The following FOCAD variants were observed in gnomAD, a reference collection of about 807,000 sequenced individuals.
FOCAD encodes the protein KIAA1797.
In FOCAD, 198 loss-of-function variants were observed where a neutral mutation model predicts 225.6. The ratio of observed to expected loss-of-function variants is 0.88; its 90% CI spans 0.78 to 0.99. FOCAD has a LOEUF of 0.99. FOCAD is among the 50% of genes least tolerant of loss of function. The pLI, the probability that FOCAD is intolerant of heterozygous loss-of-function variation, is 0.00. For missense variants in FOCAD, 2,713 were observed against 2,123.6 expected (o/e 1.28, Z -5.46); for synonymous variants, 897 against 755.0 (o/e 1.19, Z -3.08).
chr9:20,758,098 C>A lies in FOCAD; in HGVS notation c.401C>A (p.Pro134His), dbSNP rs143814736. 1 of 1,604,506 alleles carries A rather than the reference C, an allele frequency of 6.2e-7. No homozygotes were observed. The highest frequency in any genetic ancestry group is 8.5e-7 in the Non-Finnish European group (1 of 1,176,548). The change falls in exon 6 of 44, where the codon CCT becomes CAT. Residue 134 changes from proline to histidine, a missense_variant. Physicochemically the swap from Pro to His is moderately conservative, Grantham distance 77 (BLOSUM62 -2). Transcript: ENST00000338382. ...CTTTCTGTGTCTTTCAGAAATCATC[C>A]TCATCCTTTGATAACTGTGCTTGAA... ...IQSIYTIRNH[P>H]HPLITVLEHR...
chr9:20,813,815 A>G (rs1823348415), intron 11 of FOCAD, among the ~76,000 whole-genome samples: 1 of 152,184 alleles, frequency 6.6e-6, no homozygotes, highest in Non-Finnish European at 1.5e-5. Flanking sequence ...TCCATTATTT[A>G]AAATAGGATA....
chr9:20,742,552 G>C (rs1827721822), intron 5 of FOCAD, among the ~76,000 whole-genome samples: 1 of 152,196 alleles, frequency 6.6e-6, no homozygotes. Context: ...GAGTGCCAGA[G>C]TCAGAACTGC....
rs776082617 is a variant in FOCAD at position 20,781,606 on chromosome 9, G to T, written c.995-121G>T. 12 of 715,468 alleles carry T rather than the reference G, an allele frequency of 1.7e-5. No homozygotes were observed. The East Asian group carries it at 3.1e-4, about 18-fold the overall frequency. The allele number at this position is 715,468 out of a possible 1,614,324, so 44.3% of individuals were successfully genotyped here. A position where few individuals can be genotyped will look rare whatever the true frequency, so the allele number is the denominator to read the frequency against. On this transcript the variant is annotated intron_variant, in intron 9 of 43. Transcript: ENST00000338382. Reference sequence around the variant, plus strand: ...GGATAAGATTTATCAACCTAGTTATGTGTCTGACCCAGTTATAAAAGGGAA... The same window carrying T: ...GGATAAGATTTATCAACCTAGTTATTTGTCTGACCCAGTTATAAAAGGGAA...
intron 21 of FOCAD, among the ~76,000 whole-genome samples, chr9:20,905,795 C>G (rs753563666): frequency 2.1e-4 from 32 of 151,948 alleles, no homozygotes; most frequent in Non-Finnish European, 3.5e-4. Flanking sequence ...AGGACTCATT[C>G]CTTCAAGGAT....
chr9:20,929,285 T>C (rs1835241253), intron 26 of FOCAD, 73 bp from the exon 27 acceptor site: 1 of 1,157,730 alleles, frequency 8.6e-7, no homozygotes, highest in Admixed American at 1.8e-5. Context: ...TGTGGTTGTA[T>C]AGTGCTTTTA....
At chr9:20,664,202 G>A (rs979191471) in intron 2 of FOCAD, among the ~76,000 whole-genome samples, 12 of 150,518 alleles carry the variant, frequency 8.0e-5, no homozygotes, top group African/African-American at 2.9e-4. Context: ...TATATTTCTA[G>A]ACCCATATAT....
At chr9:20,664,376 A>T (rs1225363692) in intron 2 of FOCAD, among the ~76,000 whole-genome samples, 1 of 151,122 alleles carries the variant, frequency 6.6e-6, no homozygotes, top group Non-Finnish European at 1.5e-5. Flanking sequence ...TACTGATTCT[A>T]TTTAATGGTT....
intron 4 of FOCAD, among the ~76,000 whole-genome samples, chr9:20,720,962 A>G (rs1239665815): frequency 1.3e-5 from 2 of 152,170 alleles, no homozygotes; most frequent in East Asian, 3.8e-4. Flanking sequence ...TTATTTCTCA[A>G]ATATTTTGTG....
chr9:20,705,920 T>G (rs1333494538), intron 1 of FOCAD, among the ~76,000 whole-genome samples: 1 of 144,126 alleles, frequency 6.9e-6, no homozygotes, highest in Non-Finnish European at 1.5e-5. Context: ...TTATTCAGTT[T>G]TAAGTTTTTT....
At chr9:20,894,711 C>T (rs1831922782) in intron 21 of FOCAD, among the ~76,000 whole-genome samples, 1 of 151,892 alleles carries the variant, frequency 6.6e-6, no homozygotes, top group Non-Finnish European at 1.5e-5. Flanking sequence ...AGACTTTTTT[C>T]GTATATTTTG....
intron 1 of FOCAD, among the ~76,000 whole-genome samples, chr9:20,712,730 CTT>C (rs71334550): frequency 1.1e-4 from 10 of 93,336 alleles, no homozygotes; most frequent in Admixed American, 4.2e-4. Context: ...CTCCTATATT[CTT>C]TTTTTTTTTT....
intron 3 of FOCAD, among the ~76,000 whole-genome samples, chr9:20,719,671 A>G (rs1393009620): frequency 6.6e-6 from 1 of 150,944 alleles, no homozygotes; most frequent in East Asian, 1.9e-4. Flanking sequence ...ATGAAAACTT[A>G]TATTTACTTA....
rs1237476609 is a variant in FOCAD at position 20,986,477 on chromosome 9, C to T, written c.4906+12C>T. 1 of 1,580,152 alleles carries T rather than the reference C, an allele frequency of 6.3e-7. No individual in the cohort carries two copies. The highest frequency in any genetic ancestry group is 8.6e-7 in the Non-Finnish European group (1 of 1,164,818). On this transcript the variant is annotated intron_variant, in intron 40 of 43. Transcript: ENST00000338382. ...CCATGCCAATACGGGTGAGGACACC[C>T]TGGGGTGAACATCAGAAACAGGAAT... is the stretch of plus-strand genomic sequence containing the variant.
chr9:20,887,970 T>A (rs1831246936), intron 21 of FOCAD, among the ~76,000 whole-genome samples: 1 of 152,146 alleles, frequency 6.6e-6, no homozygotes, highest in South Asian at 2.1e-4. Context: ...TTCATGTGTT[T>A]ATTTTGTATG....
intron 15 of FOCAD, among the ~76,000 whole-genome samples, chr9:20,840,447 ATT>A (rs1826405873): frequency 6.7e-6 from 1 of 150,008 alleles, no homozygotes; most frequent in African/African-American, 2.4e-5. Context: ...ATTTTATTTT[ATT>A]TTATTTTATG....
At chr9:20,906,565 G>T (rs910700530) in intron 21 of FOCAD, among the ~76,000 whole-genome samples, 2 of 152,010 alleles carry the variant, frequency 1.3e-5, no homozygotes, top group East Asian at 3.9e-4. Flanking sequence ...AACAGGGTTT[G>T]CATGTTGGTA....
In FOCAD at chr9:20,833,242, A is replaced by G. The variant is rs183598802; in HGVS notation, c.1920+10127A>G. Among the ~76,000 whole-genome samples, 628 of 152,112 alleles carry G rather than the reference A, an allele frequency of 4.1e-3. 2 individuals are homozygous for G. The highest frequency in any genetic ancestry group is 0.014 in the African/African-American group (597 of 41,550). ...AGTGGTTTTAATTTGAATTTCCCTC[A>G]TGATTAGTGATGTTGAGCAATAGGT... On this transcript the variant is annotated intron_variant, in intron 15 of 43. Transcript: ENST00000338382.
chr9:20,901,066 C>T (rs935591506), intron 21 of FOCAD, among the ~76,000 whole-genome samples: 2 of 151,788 alleles, frequency 1.3e-5, no homozygotes, highest in African/African-American at 4.8e-5. Flanking sequence ...TTTGCCCCAA[C>T]AAGATTACTG....
chr9:20,732,545 A>G (rs73647622), intron 4 of FOCAD, among the ~76,000 whole-genome samples: 59 of 152,300 alleles, frequency 3.9e-4, no homozygotes, highest in African/African-American at 1.4e-3. Context: ...ATGATTGACA[A>G]TCTTGATGAT....
Sources: gnomAD v4.1 joint callset for allele counts (sites outside exome capture counted in the v4.1 genomes callset) on GRCh38, gnomAD v4.1.1 for gene constraint, MANE v1.5 for transcripts, NCBI Gene and HGNC (gene_info 2026-07-23, HGNC 2026-07-21) for gene names.